PTPN22: variants seen among roughly 807,000 people sequenced by gnomAD.
The protein encoded by PTPN22 is protein tyrosine phosphatase non-receptor type 22.
PTPN22 carries 85 observed loss-of-function variants against 103.3 expected under a neutral mutation model. The observed-to-expected ratio is 0.82, with a 90% CI of 0.69 to 0.99. PTPN22 has a LOEUF of 0.99. Among genes scored for constraint, PTPN22 ranks in the 50% least tolerant of loss-of-function variants. The probability of loss-of-function intolerance (pLI) is 0.00; values close to 1 mark genes in which losing one functional copy is unlikely to be tolerated. For synonymous variants in PTPN22, 323 were observed against 310.2 expected (o/e 1.04, Z -0.43); for missense variants, 865 against 936.9 (o/e 0.92, Z 1.00).
chr1:113,854,915 A>C, exon 8 of PTPN22: 1 of 1,613,440 alleles, frequency 6.2e-7, no homozygotes, highest in Non-Finnish European at 8.5e-7. Flanking sequence ...ACCTGCAGTG[A>C]ATGCATATGG....
intron 1 of PTPN22, among the ~76,000 whole-genome samples, chr1:113,870,608 A>T (rs1666496481): frequency 6.6e-6 from 1 of 152,122 alleles, no homozygotes; most frequent in South Asian, 2.1e-4. Flanking sequence ...TCTCTCCTTG[A>T]CCTACACTTG....
At chr1:113,860,781 G>A (rs1031407283) in intron 1 of PTPN22, among the ~76,000 whole-genome samples, 2 of 152,178 alleles carry the variant, frequency 1.3e-5, no homozygotes, top group African/African-American at 2.4e-5. Context: ...TCCCAGAACA[G>A]TTTCTTCTAG....
chr1:113,844,392 T>G (rs1663869004), intron 11 of PTPN22, among the ~76,000 whole-genome samples: 1 of 152,202 alleles, frequency 6.6e-6, no homozygotes, highest in African/African-American at 2.4e-5. Context: ...AGGTGGAAGT[T>G]GCAGTGAGCC....
At chr1:113,856,323 ATATT>A (rs1665066162) in intron 7 of PTPN22, 55 bp downstream of exon 7, 1 of 1,499,362 alleles carries the variant, frequency 6.7e-7, no homozygotes, top group Non-Finnish European at 8.9e-7. Context: ...ACACACATCT[ATATT>A]TACTTGCCTG....
At chr1:113,832,659 A>T (rs565740142) in intron 16 of PTPN22, among the ~76,000 whole-genome samples, 15 of 152,240 alleles carry the variant, frequency 9.9e-5, no homozygotes, top group Non-Finnish European at 2.1e-4. Context: ...GGCAACTACC[A>T]CTTGTGATAA....
chr1:113,871,143 A>G lies in PTPN22; in HGVS notation c.87+394T>C, dbSNP rs547868229. On this transcript the variant is annotated intron_variant, in intron 1 of 20. Coordinates refer to ENST00000359785, the Ensembl canonical transcript of PTPN22. Reference sequence around the variant, plus strand: ...ATCCCAGAGGGGAGGCTAAAAATGTAATATTGCATGAAAAGTTAACATTGG... The same window carrying G: ...ATCCCAGAGGGGAGGCTAAAAATGTGATATTGCATGAAAAGTTAACATTGG... 3.3e-5 allele frequency among the ~76,000 whole-genome samples: 5 copies of G among 152,352 alleles called. No individual in the cohort carries two copies. In the East Asian group the frequency reaches 9.6e-4, roughly 29 times the overall value.
chr1:113,833,033 G>T, intron 16 of PTPN22, 78 bp downstream of exon 16: 1 of 1,359,974 alleles, frequency 7.4e-7, no homozygotes, highest in Non-Finnish European at 1.0e-6. Context: ...ACTTCCTGAA[G>T]TGAATTACTC....
chr1:113,856,798 G>A (rs1665123011), intron 5 of PTPN22, 179 bp from the exon 6 acceptor site: 3 of 716,546 alleles, frequency 4.2e-6, no homozygotes, highest in Non-Finnish European at 2.2e-6. Flanking sequence ...AACATTAAAG[G>A]ATATATAAAT....
chr1:113,816,090 T>C (rs891312525), intron 20 of PTPN22, among the ~76,000 whole-genome samples: 15 of 152,342 alleles, frequency 9.8e-5, no homozygotes, highest in Admixed American at 5.2e-4. Context: ...CTCAAAGATA[T>C]ACCTAAACCT....
intron 11 of PTPN22, among the ~76,000 whole-genome samples, chr1:113,840,157 G>A (rs12095398): frequency 0.013 from 1,948 of 150,080 alleles, 15 homozygotes; most frequent in Middle Eastern, 0.017. Context: ...GTTGAAGTGA[G>A]CCGAGATCGT....
At chr1:113,828,621 A>G (rs1558021618) in intron 18 of PTPN22, among the ~76,000 whole-genome samples, 1 of 152,054 alleles carries the variant, frequency 6.6e-6, no homozygotes, top group Non-Finnish European at 1.5e-5. Context: ...GTTTCTTTTT[A>G]TACACTAATA....
At chr1:113,856,731 C>A in intron 5 of PTPN22, 112 bp from the exon 6 acceptor site, 1 of 1,434,838 alleles carries the variant, frequency 7.0e-7, no homozygotes, top group East Asian at 2.4e-5. Context: ...TTAGGTGCGT[C>A]TAACCCCTTT....
At chr1:113,823,395 C>G (rs1035987366) in intron 19 of PTPN22, 14 of 152,274 alleles carry the variant, frequency 9.2e-5, no homozygotes, top group African/African-American at 3.4e-4. Flanking sequence ...AATCATGAAC[C>G]ATCTGGAAGG....
intron 13 of PTPN22, among the ~76,000 whole-genome samples, chr1:113,837,070 A>G (rs1296855510): frequency 4.6e-5 from 7 of 152,128 alleles, no homozygotes; most frequent in Admixed American, 2.0e-4. Flanking sequence ...TTCATGGAAT[A>G]TTATGTTTGA....
intron 18 of PTPN22, 55 bp downstream of exon 18, chr1:113,829,537 A>C (rs1478974937): frequency 1.0e-6 from 1 of 972,056 alleles, no homozygotes; most frequent in Non-Finnish European, 1.5e-6. Context: ...GGAGGGGGAA[A>C]CTTTCAGTAA....
intron 9 of PTPN22, among the ~76,000 whole-genome samples, chr1:113,853,928 C>T (rs544391027): frequency 7.2e-4 from 98 of 136,046 alleles, no homozygotes; most frequent in Non-Finnish European, 1.2e-3. Context: ...TGCAGTGGCG[C>T]GATCTTGGCT....
At chr1:113,867,518 C>T (rs1392162342) in intron 1 of PTPN22, among the ~76,000 whole-genome samples, 1 of 152,170 alleles carries the variant, frequency 6.6e-6, no homozygotes, top group African/African-American at 2.4e-5. Context: ...TCCTTGACCA[C>T]CTCACCCAGA....
intron 13 of PTPN22, among the ~76,000 whole-genome samples, chr1:113,836,837 G>A (rs1240553552): frequency 6.6e-6 from 1 of 151,970 alleles, no homozygotes; most frequent in African/African-American, 2.4e-5. Flanking sequence ...GAGGTGGGAG[G>A]ATTGGTTGAG....
At chr1:113,814,952 A>G in exon 21 of PTPN22, 1 of 1,607,414 alleles carries the variant, frequency 6.2e-7, no homozygotes, top group African/African-American at 1.3e-5. Flanking sequence ...TTGGGTTTTG[A>G]AAAACGGTTT....
Sources: allele counts gnomAD v4.1 joint callset (sites outside exome capture counted in the v4.1 genomes callset), GRCh38; gene constraint gnomAD v4.1.1; transcripts MANE v1.5; gene names NCBI Gene and HGNC (gene_info 2026-07-23, HGNC 2026-07-21).